SPC25: variants seen among roughly 807,000 people sequenced by gnomAD.
SPC25 encodes kinetochore protein Spc25.
A neutral mutation model predicts 29.6 loss-of-function variants in SPC25; 22 were observed. The observed-to-expected ratio is 0.74, with a 90% CI of 0.53 to 1.06. The LOEUF is 1.06. SPC25 is among the 50% of genes least tolerant of loss of function. The probability of loss-of-function intolerance (pLI) is 0.00; values close to 1 mark genes in which losing one functional copy is unlikely to be tolerated. For synonymous variants in SPC25, 91 were observed against 90.4 expected (o/e 1.01, Z -0.04); for missense variants, 230 against 255.8 (o/e 0.90, Z 0.69).
chr2:168,864,753 A>T, intron 4 of SPC25: 1 of 1,512,938 alleles, frequency 6.6e-7, no homozygotes, highest in South Asian at 1.2e-5. Context: ...TTGAAGCAGA[A>T]CCTCCTTAAA....
chr2:168,864,886 T>A, intron 4 of SPC25: 1 of 1,614,074 alleles, frequency 6.2e-7, no homozygotes, highest in Non-Finnish European at 8.5e-7. Context: ...GGTTTGGATC[T>A]TTGAATGGGA....
intron 3 of SPC25, among the ~76,000 whole-genome samples, chr2:168,886,726 A>G (rs534344484): frequency 4.7e-4 from 71 of 151,596 alleles, no homozygotes; most frequent in African/African-American, 1.5e-3. Flanking sequence ...TCACCGTGTT[A>G]GCCAGGATGG....
chr2:168,865,151 TG>T, intron 4 of SPC25: 1 of 671,378 alleles, frequency 1.5e-6, no homozygotes, highest in Non-Finnish European at 2.4e-6. Context: ...AAAAGATGGA[TG>T]GGTGGAGACA....
At chr2:168,867,717 A>G (rs1458137039), downstream of SPC25, among the ~76,000 whole-genome samples, 1 of 152,234 alleles carries the variant, frequency 6.6e-6, no homozygotes, top group Non-Finnish European at 1.5e-5. Context: ...CCAATACAGG[A>G]GCACCCAGAT....
chr2:168,876,206 G>T, intron 4 of SPC25, 30 bp from the exon 5 acceptor site: 1 of 1,395,218 alleles, frequency 7.2e-7, no homozygotes, highest in Non-Finnish European at 9.6e-7. Context: ...AATATTAAAT[G>T]TTTTAAATAA....
downstream of SPC25, among the ~76,000 whole-genome samples, chr2:168,868,704 G>A (rs1413464745): frequency 6.6e-6 from 1 of 152,290 alleles, no homozygotes; most frequent in East Asian, 1.9e-4. Context: ...TGAAATTGAG[G>A]CAATAATTAA....
chr2:168,867,834 C>A, downstream of SPC25, among the ~76,000 whole-genome samples: 1 of 152,226 alleles, frequency 6.6e-6, no homozygotes, highest in South Asian at 2.1e-4. Context: ...GAATTGAACT[C>A]AGCTCTGCAC....
intron 5 of SPC25, among the ~76,000 whole-genome samples, chr2:168,875,004 G>T (rs1486837406): frequency 6.6e-6 from 1 of 152,118 alleles, no homozygotes; most frequent in Non-Finnish European, 1.5e-5. Context: ...AGACACAACA[G>T]ACATTGCCAT....
chr2:168,882,299 TTTG>T (rs1235017015), intron 3 of SPC25, among the ~76,000 whole-genome samples: 4 of 152,178 alleles, frequency 2.6e-5, no homozygotes, highest in African/African-American at 9.7e-5. Context: ...CAAAGCTGTA[TTTG>T]CTAGGCTAAA....
At chr2:168,875,201 A>G (rs976285443) in intron 5 of SPC25, among the ~76,000 whole-genome samples, 5 of 152,176 alleles carry the variant, frequency 3.3e-5, no homozygotes, top group African/African-American at 7.2e-5. Context: ...CAAGACCCCA[A>G]CAGATGCCTG....
intron 4 of SPC25, among the ~76,000 whole-genome samples, chr2:168,862,615 G>A (rs892954644): frequency 6.6e-6 from 1 of 152,200 alleles, no homozygotes; most frequent in Non-Finnish European, 1.5e-5. Context: ...TTACTTCTCA[G>A]AAAAGCTTTT....
intron 6 of SPC25, 21 bp from the exon 7 acceptor site, chr2:168,871,576 A>T (rs780745926): frequency 6.6e-7 from 1 of 1,507,872 alleles, no homozygotes; most frequent in South Asian, 1.3e-5. Flanking sequence ...AAAAAAAAGA[A>T]ATCAAAGACA....
At chr2:168,872,563 A>C (rs1339924439) in intron 6 of SPC25, among the ~76,000 whole-genome samples, 1 of 152,210 alleles carries the variant, frequency 6.6e-6, no homozygotes, top group Non-Finnish European at 1.5e-5. Flanking sequence ...TTAGGAAACA[A>C]GGTCCATGAC....
At chr2:168,882,664 C>A (rs1168115222) in intron 3 of SPC25, among the ~76,000 whole-genome samples, 11 of 152,098 alleles carry the variant, frequency 7.2e-5, no homozygotes, top group Non-Finnish European at 1.6e-4. Flanking sequence ...GTCTTGACTT[C>A]AAAGGCAATG....
downstream of SPC25, among the ~76,000 whole-genome samples, chr2:168,868,876 T>C (rs1689925368): frequency 6.6e-6 from 1 of 152,206 alleles, no homozygotes; most frequent in African/African-American, 2.4e-5. Context: ...ATCATCCTGA[T>C]ACCAAAGCCT....
At chr2:168,868,872 C>A (rs982231577), downstream of SPC25, among the ~76,000 whole-genome samples, 1 of 152,170 alleles carries the variant, frequency 6.6e-6, no homozygotes. Flanking sequence ...CAGCATCATC[C>A]TGATACCAAA....
At chr2:168,865,128 G>C (rs1234338585) in intron 4 of SPC25, 1 of 763,066 alleles carries the variant, frequency 1.3e-6, no homozygotes, top group Non-Finnish European at 2.0e-6. Context: ...TTATTAGCTT[G>C]AAACAGTCAG....
downstream of SPC25, among the ~76,000 whole-genome samples, chr2:168,867,355 A>G (rs962554952): frequency 1.4e-4 from 22 of 152,218 alleles, no homozygotes; most frequent in African/African-American, 5.3e-4. Context: ...AGCTAACATC[A>G]TAATGACAGG....
At chr2:168,886,028 T>G (rs2105836373) in intron 3 of SPC25, among the ~76,000 whole-genome samples, 1 of 151,650 alleles carries the variant, frequency 6.6e-6, no homozygotes. Flanking sequence ...ATCTATTACA[T>G]TATTCTAACA....
Sources: gnomAD v4.1 joint callset for allele counts (sites outside exome capture counted in the v4.1 genomes callset) on GRCh38, gnomAD v4.1.1 for gene constraint, MANE v1.5 for transcripts, NCBI Gene and HGNC (gene_info 2026-07-23, HGNC 2026-07-21) for gene names.